RPAP1: variants seen among roughly 807,000 people sequenced by gnomAD.
The protein encoded by RPAP1 is RNA polymerase II associated protein 1.
A neutral mutation model predicts 142.4 loss-of-function variants in RPAP1; 109 were observed. The observed-to-expected ratio is 0.77, with a 90% confidence interval of 0.66 to 0.90. The LOEUF (loss-of-function observed/expected upper bound fraction) is 0.90. Ranked by LOEUF, RPAP1 falls within the 40% of genes least tolerant of loss-of-function variation. RPAP1 has a pLI of 0.00. For synonymous variants in RPAP1, 704 were observed against 738.9 expected (o/e 0.95, Z 0.77); for missense variants, 1,546 against 1,751.7 (o/e 0.88, Z 2.10).
chr15:41,541,878 T>G (rs1285866731), intron 1 of RPAP1, among the ~76,000 whole-genome samples: 1 of 152,118 alleles, frequency 6.6e-6, no homozygotes, highest in Non-Finnish European at 1.5e-5. Context: ...ACACATTTCC[T>G]TACTTTTTCT....
chr15:41,517,709 A>G lies in RPAP1; in HGVS notation c.4033-18T>C, dbSNP rs1398463743. 2.5e-6 allele frequency: 4 copies of G among 1,612,610 alleles called. No homozygotes were observed. Among genetic ancestry groups the G allele is most frequent in the Non-Finnish European group, 2.5e-6 (3 of 1,178,870 alleles). ...CGGAGACCCTGCAGAAAGGAAAGAA[A>G]ACTTATGAAGTGGGTAATGAGATCC... On this transcript the variant is annotated intron_variant, in intron 24 of 24. Transcript: ENST00000304330.
chr15:41,543,673 TAAGTA>T (rs989262222), intron 1 of RPAP1, among the ~76,000 whole-genome samples: 1 of 152,202 alleles, frequency 6.6e-6, no homozygotes, highest in African/African-American at 2.4e-5. Flanking sequence ...ATTTTAGTCC[TAAGTA>T]AAGCCACCAG....
Position 41,521,249 on chromosome 15 carries a change from G to A in RPAP1, c.3039-102C>T, listed in dbSNP as rs548198453. 6 of 1,165,862 alleles carry A rather than the reference G, an allele frequency of 5.1e-6. No homozygotes were observed. In the African/African-American group the frequency reaches 9.2e-5, roughly 18 times the overall value. The allele number at this position is 1,165,862 out of a possible 1,614,324, so 72.2% of individuals were successfully genotyped here. A position where few individuals can be genotyped will look rare whatever the true frequency, so the allele number is the denominator to read the frequency against. Reference sequence around the variant, plus strand: ...CCTGGAGGCTCCTAGGTCCAGACCTGTGCCTCTCTGCTCCCTTAACTACTT... The same window carrying A: ...CCTGGAGGCTCCTAGGTCCAGACCTATGCCTCTCTGCTCCCTTAACTACTT... On this transcript the variant is annotated intron_variant, in intron 21 of 24. Coordinates refer to ENST00000304330, the MANE Select transcript of RPAP1 (RefSeq NM_015540.4).
At position 41,535,522 on chromosome 15, in the gene RPAP1, G is replaced by A. The variant is rs2051897589; in HGVS notation, c.531C>T (p.Gly177=). ...PSVGEVVPNV[G]PPEGAVTCET... is the part of the protein sequence containing the mutation. ...TCAACCCCGGCTCACCCTCTGGTGGGCCCACGTTGGGCACAACTTCCCCAA... is the reference window on the plus strand; with the variant it reads ...TCAACCCCGGCTCACCCTCTGGTGGACCCACGTTGGGCACAACTTCCCCAA... The change falls in exon 5 of 25, where the codon GGC becomes GGT. Residue 177 remains glycine, a synonymous_variant. Coordinates refer to ENST00000304330, the MANE Select transcript of RPAP1 (RefSeq NM_015540.4). The A allele has an allele frequency of 1.1e-5, 17 of 1,608,960 alleles. No individual in the cohort carries two copies. Among genetic ancestry groups the A allele is most frequent in the Non-Finnish European group, 1.4e-5 (17 of 1,178,586 alleles).
intron 6 of RPAP1, among the ~76,000 whole-genome samples, chr15:41,534,444 AGTGTGGTG>A (rs1444249162): frequency 6.7e-6 from 1 of 149,714 alleles, no homozygotes; most frequent in East Asian, 2.0e-4. Context: ...AAATTAGCTG[AGTGTGGTG>A]GTGTGTGCCT....
intron 1 of RPAP1, among the ~76,000 whole-genome samples, chr15:41,539,532 AT>A (rs1464597999): frequency 6.6e-6 from 1 of 151,760 alleles, no homozygotes; most frequent in Non-Finnish European, 1.5e-5. Context: ...TCCTGACCTC[AT>A]GATCCACCTG....
At chr15:41,523,637 G>A (rs956960662) in intron 17 of RPAP1, 134 bp downstream of exon 17, 11 of 842,256 alleles carry the variant, frequency 1.3e-5, no homozygotes, top group East Asian at 8.0e-5. Flanking sequence ...GAGGAGGAAG[G>A]GTAGGAATTA....
chr15:41,526,656 A>T (rs1426893186), intron 14 of RPAP1, among the ~76,000 whole-genome samples: 2 of 152,246 alleles, frequency 1.3e-5, no homozygotes, highest in African/African-American at 4.8e-5. Flanking sequence ...GGGTCTAGGG[A>T]ACAGGGAGAC....
intron 15 of RPAP1, among the ~76,000 whole-genome samples, 158 bp from the exon 16 acceptor site, chr15:41,524,412 ATGT>A (rs1413085851): frequency 6.7e-6 from 1 of 150,344 alleles, no homozygotes; most frequent in African/African-American, 2.5e-5. Flanking sequence ...AATGGAAAGG[ATGT>A]TGTCCTTCAA....
intron 11 of RPAP1, 107 bp downstream of exon 11, chr15:41,527,753 C>G: frequency 6.7e-7 from 1 of 1,497,220 alleles, no homozygotes; most frequent in East Asian, 2.3e-5. Flanking sequence ...CCTGCCATCC[C>G]ATTCTACATC....
Position 41,522,179 on chromosome 15 carries a change from TG to T in RPAP1, c.2813del (p.Pro938HisfsTer50). 1 of 1,613,936 alleles carries T rather than the reference TG, an allele frequency of 6.2e-7. No individual in the cohort carries two copies. Among genetic ancestry groups the T allele is most frequent in the East Asian group, 2.2e-5 (1 of 44,866 alleles). On this transcript the variant is annotated frameshift_variant, in exon 20 of 25. Coordinates refer to ENST00000304330, the MANE Select transcript of RPAP1 (RefSeq NM_015540.4). LOFTEE classifies it high-confidence loss of function. Reference sequence around the variant, plus strand: ...CCCATGCAGAGAAAGGTGTGAGGTGTGGGGCAGCCCCAGGAGCCACACACTG... The same window carrying T: ...CCCATGCAGAGAAAGGTGTGAGGTGTGGGCAGCCCCAGGAGCCACACACTG... ...FLQCVAPGAA[P>X]HLTPFSAWAL...
chr15:41,529,820 G>C, intron 8 of RPAP1, 44 bp downstream of exon 8: 1 of 1,412,862 alleles, frequency 7.1e-7, no homozygotes, highest in Non-Finnish European at 9.8e-7. Flanking sequence ...CTCCTCTCCT[G>C]CCCTATCTCA....
In RPAP1 at chr15:41,533,838, T is replaced by TAA. The variant is rs35094310; in HGVS notation, c.763+874_763+875dup. 3.1e-3 allele frequency among the ~76,000 whole-genome samples: 394 copies of TAA among 127,406 alleles called. 6 individuals carry two copies. In the East Asian group the frequency reaches 0.051, roughly 17 times the overall value. 83.6% of individuals were successfully genotyped at this position (127,406 alleles called of 152,430 possible). On this transcript the variant is annotated intron_variant, in intron 6 of 24. Transcript: ENST00000304330. ...GGGCAACAAGAGGAAAAATCCGTCT[T>TAA]AAAAAAAAAAAAAAACCTAGGCGCA...
At chr15:41,521,681 TAAC>T in intron 21 of RPAP1, 54 bp downstream of exon 21, 1 of 1,591,322 alleles carries the variant, frequency 6.3e-7, no homozygotes, top group Non-Finnish European at 8.6e-7. Flanking sequence ...GCTGCTCTGT[TAAC>T]AACTGCAGCA....
chr15:41,531,615 ATATATATATATATTTTTTTTTT>A (rs2051849086), intron 6 of RPAP1, among the ~76,000 whole-genome samples: 2 of 24,950 alleles, frequency 8.0e-5, no homozygotes, highest in African/African-American at 4.7e-4. Context: ...ATATATATAT[ATATATATATATATTTTTTTTTT>A]TTTTTTTTTT....
Position 41,521,625 on chromosome 15 carries a change from G to T in RPAP1, c.3038+113C>A, listed in dbSNP as rs184927267. The T allele has an allele frequency of 2.7e-5, 33 of 1,204,990 alleles. No homozygotes were observed. In the East Asian group the frequency reaches 6.4e-4, roughly 23 times the overall value. 74.6% of individuals were successfully genotyped at this position (1,204,990 alleles called of 1,614,324 possible). On this transcript the variant is annotated intron_variant, in intron 21 of 24. Transcript: ENST00000304330. ...TGGAAGCTCGGAAGAGTTAAGTGTC[G>T]TCGGTGGAAGAAAGAGAATTTAGGT...
intron 8 of RPAP1, 82 bp from the exon 9 acceptor site, chr15:41,529,650 T>C: frequency 9.2e-7 from 1 of 1,082,430 alleles, no homozygotes; most frequent in Non-Finnish European, 1.4e-6. Context: ...ATCCCAGGCC[T>C]TTCAGGACTT....
rs766001291 is a variant in RPAP1, at chr15:41,523,909, C to A, written c.2298G>T (p.Gly766=). ...PSLVTWTQVS[G]LQPLVEPCLR... The stretch of plus-strand genomic sequence containing the variant: ...GACACGGCTCAACAAGAGGCTGGAG[C>A]CCAGACACCTGTGTCCAAGTGACTA... Residue 766 remains glycine, a synonymous_variant, in exon 17 of 25, where the codon GGG becomes GGT. Coordinates refer to ENST00000304330, the MANE Select transcript of RPAP1 (RefSeq NM_015540.4). 1 of 1,608,226 alleles carries A rather than the reference C, an allele frequency of 6.2e-7. No individual in the cohort carries two copies. The highest frequency in any genetic ancestry group is 1.1e-5 in the South Asian group (1 of 90,058).
chr15:41,528,394 AC>A, intron 9 of RPAP1, 58 bp from the exon 10 acceptor site: 1 of 1,168,782 alleles, frequency 8.6e-7, no homozygotes, highest in Non-Finnish European at 1.3e-6. Flanking sequence ...CCCCCAAAAC[AC>A]CAAGCAAGGT....
Sources: gnomAD v4.1 joint callset for allele counts (sites outside exome capture counted in the v4.1 genomes callset) on GRCh38, gnomAD v4.1.1 for gene constraint, MANE v1.5 for transcripts, NCBI Gene and HGNC (gene_info 2026-07-23, HGNC 2026-07-21) for gene names.